CAMKMT: variants seen among roughly 807,000 people sequenced by gnomAD.
CAMKMT encodes the protein CaM KMT.
Under a neutral mutation model 48.0 loss-of-function variants are expected in CAMKMT, and 53 were observed. That is an observed-to-expected ratio of 1.10 (90% CI 0.89 to 1.39). CAMKMT has a LOEUF of 1.39. CAMKMT is among the 40% of genes most tolerant of loss of function. The pLI is 0.00. For synonymous variants in CAMKMT, 165 were observed against 152.3 expected (o/e 1.08, Z -0.61); for missense variants, 428 against 402.7 (o/e 1.06, Z -0.54).
intron 3 of CAMKMT, among the ~76,000 whole-genome samples, chr2:44,675,109 A>T (rs1573048718): frequency 6.6e-6 from 1 of 151,902 alleles, no homozygotes; most frequent in Non-Finnish European, 1.5e-5. Context: ...CAAGCCAGCA[A>T]ATGATAGTAG....
At chr2:44,628,970 T>G (rs1376265792) in intron 3 of CAMKMT, among the ~76,000 whole-genome samples, 1 of 152,178 alleles carries the variant, frequency 6.6e-6, no homozygotes, top group Non-Finnish European at 1.5e-5. Context: ...CATGTACACT[T>G]GAAAAAACAT....
intron 3 of CAMKMT, among the ~76,000 whole-genome samples, chr2:44,536,894 A>T (rs140334729): frequency 1.7e-3 from 257 of 152,138 alleles, no homozygotes; most frequent in African/African-American, 5.9e-3. Flanking sequence ...GACAAAGGCA[A>T]CAAGAATATA....
intron 3 of CAMKMT, among the ~76,000 whole-genome samples, chr2:44,694,306 G>T (rs1385526017): frequency 6.6e-6 from 1 of 152,178 alleles, no homozygotes; most frequent in Non-Finnish European, 1.5e-5. Context: ...AGGTGCGGTG[G>T]CTCATGCCTG....
chr2:44,550,145 A>G (rs77424354), intron 3 of CAMKMT, among the ~76,000 whole-genome samples: 4,420 of 152,248 alleles, frequency 0.029, 204 homozygotes, highest in African/African-American at 0.1. Context: ...CACATTTATA[A>G]TCCCATCACT....
intron 2 of CAMKMT, among the ~76,000 whole-genome samples, chr2:44,389,398 T>C (rs1281463199): frequency 2.0e-5 from 3 of 152,246 alleles, no homozygotes; most frequent in Non-Finnish European, 4.4e-5. Context: ...TCCGTAATTC[T>C]ATATATCACT....
intron 3 of CAMKMT, among the ~76,000 whole-genome samples, chr2:44,527,309 TATATATTATAC>T (rs1029621083): frequency 4.1e-5 from 6 of 144,610 alleles, no homozygotes; most frequent in African/African-American, 1.5e-4. Flanking sequence ...CATATATTAT[TATATATTATAC>T]ATATATACAT....
chr2:44,756,590 A>G (rs1680391528), intron 9 of CAMKMT, among the ~76,000 whole-genome samples: 1 of 151,958 alleles, frequency 6.6e-6, no homozygotes, highest in Admixed American at 6.5e-5. Flanking sequence ...AAATACAAAA[A>G]AATTAGCCAG....
chr2:44,427,057 G>T (rs978897833), intron 3 of CAMKMT, among the ~76,000 whole-genome samples: 1 of 152,022 alleles, frequency 6.6e-6, no homozygotes, highest in African/African-American at 2.4e-5. Context: ...TGTCAACAAT[G>T]GGGGAAGGAT....
chr2:44,619,941 C>G (rs1272285419), intron 3 of CAMKMT, among the ~76,000 whole-genome samples: 1 of 152,196 alleles, frequency 6.6e-6, no homozygotes, highest in Non-Finnish European at 1.5e-5. Context: ...GTAATCATCA[C>G]CCAGTCCCAG....
intron 3 of CAMKMT, among the ~76,000 whole-genome samples, chr2:44,595,297 AC>A (rs1670584681): frequency 6.6e-6 from 1 of 152,212 alleles, no homozygotes. Context: ...CAATCCCGTT[AC>A]TGGGTATATA....
intron 3 of CAMKMT, among the ~76,000 whole-genome samples, chr2:44,665,254 A>G (rs989302202): frequency 6.6e-6 from 1 of 152,070 alleles, no homozygotes; most frequent in Non-Finnish European, 1.5e-5. Context: ...TATTTTTGGT[A>G]GAGACGGGGT....
rs185744875 is a variant in CAMKMT at position 44,585,132 on chromosome 2, A to G, written c.377-119151A>G. Among the ~76,000 whole-genome samples, 258 of 152,298 alleles carry G rather than the reference A, an allele frequency of 1.7e-3. 3 individuals carry two copies. In the Middle Eastern group the frequency reaches 0.031, roughly 18 times the overall value. The stretch of plus-strand genomic sequence containing the variant: ...GCCCAGCTTTTTAAAAGGGGAGTAA[A>G]TTATACCTCCTATAAGCCAGTCAAG... On this transcript the variant is annotated intron_variant, in intron 3 of 10. Transcript: ENST00000378494.
intron 3 of CAMKMT, among the ~76,000 whole-genome samples, chr2:44,473,444 T>A (rs1668525908): frequency 6.6e-6 from 1 of 152,212 alleles, no homozygotes; most frequent in Non-Finnish European, 1.5e-5. Context: ...GAATTTTTTT[T>A]AAAAACAGTG....
intron 3 of CAMKMT, among the ~76,000 whole-genome samples, chr2:44,647,907 CAAAAAAAAAAA>C (rs756753917): frequency 1.0e-4 from 3 of 29,518 alleles, no homozygotes; most frequent in Admixed American, 3.6e-4. Context: ...GACTCCGTCT[CAAAAAAAAAAA>C]AAAAAAAAAA....
intron 3 of CAMKMT, among the ~76,000 whole-genome samples, chr2:44,416,763 C>T (rs1683584503): frequency 1.3e-5 from 2 of 151,362 alleles, no homozygotes; most frequent in South Asian, 2.1e-4. Context: ...TTAGTAGGGA[C>T]AGGGTTTCAC....
chr2:44,547,480 T>C (rs1667471180), intron 3 of CAMKMT, among the ~76,000 whole-genome samples: 1 of 152,130 alleles, frequency 6.6e-6, no homozygotes, highest in South Asian at 2.1e-4. Context: ...TGATCATGTC[T>C]GTGAATAGTC....
At chr2:44,443,266 A>G (rs1381486646) in intron 3 of CAMKMT, among the ~76,000 whole-genome samples, 1 of 152,176 alleles carries the variant, frequency 6.6e-6, no homozygotes, top group Non-Finnish European at 1.5e-5. Context: ...TTTTCATCTG[A>G]CAAAGGAGGC....
At chr2:44,539,969 G>T (rs1326746530) in intron 3 of CAMKMT, among the ~76,000 whole-genome samples, 1 of 152,052 alleles carries the variant, frequency 6.6e-6, no homozygotes, top group East Asian at 1.9e-4. Flanking sequence ...GCAATCATGA[G>T]GCGATACTTT....
chr2:44,601,773 A>G (rs911976967), intron 3 of CAMKMT, among the ~76,000 whole-genome samples: 16 of 152,074 alleles, frequency 1.1e-4, no homozygotes, highest in African/African-American at 3.9e-4. Context: ...ACTTAATATT[A>G]AACATTTCCT....
Sources: gnomAD v4.1 joint callset for allele counts (sites outside exome capture counted in the v4.1 genomes callset) on GRCh38, gnomAD v4.1.1 for gene constraint, MANE v1.5 for transcripts, NCBI Gene and HGNC (gene_info 2026-07-23, HGNC 2026-07-21) for gene names.